The following KDM5A variants were observed in gnomAD, a reference collection of about 807,000 sequenced individuals.
KDM5A encodes lysine demethylase 5A, also known as lysine-specific demethylase 5A.
A neutral mutation model predicts 193.5 loss-of-function variants in KDM5A; 42 were observed. The ratio of observed to expected loss-of-function variants is 0.22; its 90% CI spans 0.17 to 0.28. KDM5A has a LOEUF of 0.28. Ranked by LOEUF, KDM5A falls within the 10% of genes least tolerant of loss-of-function variation. KDM5A has a pLI of 1.00. For missense variants in KDM5A, 1,692 were observed against 2,055.1 expected, an observed-to-expected ratio of 0.82 and a Z score of 3.42; for synonymous variants, 796 against 718.1, an observed-to-expected ratio of 1.11 and a Z score of -1.73.
intron 24 of KDM5A, among the ~76,000 whole-genome samples, chr12:299,761 A>T (rs11062302): frequency 6.6e-6 from 1 of 151,766 alleles, no homozygotes; most frequent in Non-Finnish European, 1.5e-5. Flanking sequence ...TTGGATAAAG[A>T]GTCAAGACCC....
chr12:350,909 A>G (rs1565542676), intron 9 of KDM5A, 130 bp from the exon 10 acceptor site: 21 of 803,662 alleles, frequency 2.6e-5, no homozygotes, highest in Non-Finnish European at 4.3e-5. Flanking sequence ...CTAGAGCAGT[A>G]AAGACCGAGA....
intron 16 of KDM5A, 109 bp downstream of exon 16, chr12:322,973 G>A (rs2137410191): frequency 1.4e-6 from 2 of 1,406,168 alleles, no homozygotes; most frequent in Non-Finnish European, 9.9e-7. Context: ...AATCTCATAG[G>A]AAGCCTAGGA....
intron 10 of KDM5A, among the ~76,000 whole-genome samples, chr12:337,497 A>C (rs1413887495): frequency 1.3e-5 from 2 of 152,218 alleles, no homozygotes; most frequent in Non-Finnish European, 2.9e-5. Flanking sequence ...TCATACGCAA[A>C]AACACAGGAA....
intron 10 of KDM5A, among the ~76,000 whole-genome samples, chr12:336,766 T>C (rs376571801): frequency 2.7e-5 from 4 of 149,160 alleles, no homozygotes; most frequent in African/African-American, 9.9e-5. Context: ...ACCCAGGAGG[T>C]GGAGGTTGCA....
intron 26 of KDM5A, 108 bp from the exon 27 acceptor site, chr12:293,277 T>C (rs1226558798): frequency 1.0e-6 from 1 of 959,844 alleles, no homozygotes; most frequent in African/African-American, 1.7e-5. Context: ...AGACAGAAAG[T>C]CGAACAGAGG....
At chr12:297,668 T>C (rs1304907013) in intron 24 of KDM5A, among the ~76,000 whole-genome samples, 1 of 152,172 alleles carries the variant, frequency 6.6e-6, no homozygotes, top group African/African-American at 2.4e-5. Context: ...GGACCCTACC[T>C]GAAGATTAGA....
At chr12:304,560 C>T (rs1165722560) in intron 24 of KDM5A, among the ~76,000 whole-genome samples, 2 of 150,720 alleles carry the variant, frequency 1.3e-5, no homozygotes, top group East Asian at 2.0e-4. Flanking sequence ...CTTGAATTAC[C>T]ATAAGTCTTG....
At chr12:381,421 A>G (rs776142108) in intron 3 of KDM5A, among the ~76,000 whole-genome samples, 16 of 152,138 alleles carry the variant, frequency 1.1e-4, no homozygotes, top group Non-Finnish European at 1.8e-4. Flanking sequence ...CAATTTTTGA[A>G]ATTTTTTTTG....
chr12:373,630 T>A (rs1326716982), intron 3 of KDM5A, among the ~76,000 whole-genome samples: 1 of 152,216 alleles, frequency 6.6e-6, no homozygotes, highest in African/African-American at 2.4e-5. Flanking sequence ...AGCTTTTGAA[T>A]GTGTTTGTAC....
In KDM5A at chr12:282,363, C is replaced by T. The variant is rs989910574; in HGVS notation, c.*3093G>A. On this transcript the variant is annotated 3_prime_UTR_variant, in exon 28 of 28. Coordinates refer to ENST00000399788, the MANE Select transcript of KDM5A (RefSeq NM_001042603.3). ...TTTAATGTTTGCCGTTTCCATTATTCAAGGTATGACATGCAATAATTTATA... is the reference window on the plus strand; with the variant it reads ...TTTAATGTTTGCCGTTTCCATTATTTAAGGTATGACATGCAATAATTTATA... 2 of 233,186 alleles carry T rather than the reference C, an allele frequency of 8.6e-6. No homozygotes were observed. The highest frequency in any genetic ancestry group is 4.4e-5 in the African/African-American group (2 of 45,322). 14.4% of individuals were successfully genotyped at this position (233,186 alleles called of 1,614,324 possible).
chr12:358,925 C>T (rs1268191977), intron 5 of KDM5A, among the ~76,000 whole-genome samples: 1 of 151,856 alleles, frequency 6.6e-6, no homozygotes, highest in African/African-American at 2.4e-5. Context: ...GAGCTGAGAT[C>T]ATGCCACTGC....
rs1442012290 is a variant in KDM5A, at chr12:292,950, C to T, written c.4675G>A (p.Glu1559Lys). Residue 1559 changes from glutamate (E) to lysine (K), a missense_variant, in exon 27 of 28, where the codon GAA (glutamate) becomes AAA (lysine). Glu to Lys is a moderately conservative substitution (Grantham distance 56, BLOSUM62 1). Transcript: ENST00000399788. Reference sequence around the variant, plus strand: ...TTCTCCTTCTTTTTCTTTCTCTCTTCTTCTTTTGCTAGTTTCTTGGCCAGT... The same window carrying T: ...TTCTCCTTCTTTTTCTTTCTCTCTTTTTCTTTTGCTAGTTTCTTGGCCAGT... The part of the protein sequence containing the change: ...NKLAKKLAKE[E>K]ERKKKKEKAA... 2 of 1,613,360 alleles carry T rather than the reference C, an allele frequency of 1.2e-6. No homozygotes were observed. Among genetic ancestry groups the T allele is most frequent in the Non-Finnish European group, 1.7e-6 (2 of 1,179,968 alleles).
At chr12:319,493 G>A (rs1365318799) in intron 18 of KDM5A, among the ~76,000 whole-genome samples, 1 of 152,204 alleles carries the variant, frequency 6.6e-6, no homozygotes, top group Admixed American at 6.5e-5. Flanking sequence ...GCTCATGTCT[G>A]TAATTCCAGC....
rs368662661 is a variant in KDM5A, at chr12:328,912, G to A, written c.1891C>T (p.Leu631=). The A allele has an allele frequency of 1.9e-5, 30 of 1,614,060 alleles. No homozygotes were observed. The African/African-American group carries it at 2.9e-4, about 16-fold the overall frequency. Residue 631 remains leucine (L), a synonymous_variant, in exon 14 of 28, where the codon CTG becomes TTG. Transcript: ENST00000399788. The part of the protein sequence containing the change: ...AADPECLDVG[L]AAMVCKELTL... The stretch of plus-strand genomic sequence containing the variant: ...AATTCTTTGCAGACCATGGCAGCCA[G>A]CCCCACATCTAAGCATTCTGGATCT...
chr12:344,010 A>C (rs945389245), intron 10 of KDM5A, among the ~76,000 whole-genome samples: 2 of 152,202 alleles, frequency 1.3e-5, no homozygotes, highest in Non-Finnish European at 2.9e-5. Flanking sequence ...GGAAGCTAAA[A>C]ACCTTGAAAA....
In KDM5A at chr12:356,553, A is replaced by C. The variant is rs781274635; in HGVS notation, c.673-16T>G. 5 of 1,494,028 alleles carry C rather than the reference A, an allele frequency of 3.3e-6. No homozygotes were observed. The highest frequency in any genetic ancestry group is 4.5e-5 in the East Asian group (2 of 44,304). The allele number at this position is 1,494,028 out of a possible 1,614,324, so 92.5% of individuals were successfully genotyped here. On this transcript the variant is annotated splice_polypyrimidine_tract_variant and intron_variant, in intron 5 of 27. Transcript: ENST00000399788. ...CAGATTCTGACTAAAAAATAAGCAA[A>C]ATTCACATTAGCATAATCATGCTGA...
chr12:289,735 A>AAAT (rs57974359), intron 27 of KDM5A, among the ~76,000 whole-genome samples: 1 of 150,364 alleles, frequency 6.7e-6, no homozygotes, highest in East Asian at 1.9e-4. Flanking sequence ...AAAAAAAAAA[A>AAAT]TTTAATCTGC....
rs1373561660 is a variant in KDM5A, at chr12:333,532, T to C, written c.1608A>G (p.Leu536=). The part of the protein sequence containing the change: ...FESQPDLLHQ[L]VTIMNPNVLM... The stretch of plus-strand genomic sequence containing the variant: ...GCACGTTGGGGTTCATGATGGTAAC[T>C]AACTGATGCAGAAGATCAGGCTGGG... Residue 536 remains leucine (L), a synonymous_variant, in exon 12 of 28, where the codon TTA becomes TTG. Coordinates refer to ENST00000399788, the MANE Select transcript of KDM5A (RefSeq NM_001042603.3). The C allele has an allele frequency of 6.2e-7, 1 of 1,614,170 alleles. No individual in the cohort carries two copies. The highest frequency in any genetic ancestry group is 1.7e-5 in the Admixed American group (1 of 60,016).
intron 3 of KDM5A, among the ~76,000 whole-genome samples, chr12:366,995 A>G (rs1944364930): frequency 6.6e-6 from 1 of 152,236 alleles, no homozygotes; most frequent in South Asian, 2.1e-4. Flanking sequence ...AACAGGCTGT[A>G]CACCTTTAGG....
Sources: allele counts gnomAD v4.1 joint callset (sites outside exome capture counted in the v4.1 genomes callset), GRCh38; gene constraint gnomAD v4.1.1; transcripts MANE v1.5; gene names NCBI Gene and HGNC (gene_info 2026-07-23, HGNC 2026-07-21).